Variants in CCNK observed in about 807,000 individuals in gnomAD.
CCNK encodes cyclin K.
Under a neutral mutation model 65.0 loss-of-function variants are expected in CCNK, and 9 were observed. The ratio of observed to expected loss-of-function variants is 0.14; its 90% CI spans 0.08 to 0.24. The LOEUF (loss-of-function observed/expected upper bound fraction) is 0.24. CCNK is among the 10% of genes least tolerant of loss of function. The pLI is 1.00. For synonymous variants in CCNK, 279 were observed against 270.8 expected (o/e 1.03, Z -0.30); for missense variants, 474 against 720.0 (o/e 0.66, Z 3.91).
intron 1 of CCNK, among the ~76,000 whole-genome samples, chr14:99,490,702 C>T (rs999250291): frequency 4.6e-5 from 7 of 151,944 alleles, no homozygotes; most frequent in Non-Finnish European, 1.0e-4. Context: ...CCGAGGCAGG[C>T]GGATCACGAG....
chr14:99,498,717 G>T (rs778439266), intron 4 of CCNK, among the ~76,000 whole-genome samples: 3 of 152,164 alleles, frequency 2.0e-5, no homozygotes, highest in Non-Finnish European at 4.4e-5. Context: ...TTGATGATGA[G>T]TTGTGGTGTA....
intron 4 of CCNK, among the ~76,000 whole-genome samples, chr14:99,499,550 C>T (rs1408041467): frequency 6.6e-6 from 1 of 152,144 alleles, no homozygotes; most frequent in Non-Finnish European, 1.5e-5. Context: ...GATTTACAGT[C>T]CTCTACAACG....
intron 4 of CCNK, among the ~76,000 whole-genome samples, chr14:99,496,015 C>T (rs1195654772): frequency 6.6e-6 from 1 of 152,178 alleles, no homozygotes; most frequent in Non-Finnish European, 1.5e-5. Flanking sequence ...CACATGCCTA[C>T]ATATGCCATG....
rs1897142704 is a variant in CCNK at position 99,512,027 on chromosome 14, C to T, written c.*1245C>T. 6.6e-6 allele frequency: 1 copy of T among 152,244 alleles called. No homozygotes were observed. Among genetic ancestry groups the T allele is most frequent in the Non-Finnish European group, 1.5e-5 (1 of 68,050 alleles). 9.4% of individuals were successfully genotyped at this position (152,244 alleles called of 1,614,324 possible). A position where few individuals can be genotyped will look rare whatever the true frequency, so the allele number is the denominator to read the frequency against. On this transcript the variant is annotated 3_prime_UTR_variant, in exon 11 of 11. Coordinates refer to ENST00000389879, the MANE Select transcript of CCNK (RefSeq NM_001099402.2). ...CACGACAGAAACAAGCACTGAGCAC[C>T]CAGCCAGGAGGCTCACAAAGAGGCC... is the stretch of plus-strand genomic sequence containing the variant.
intron 3 of CCNK, chr14:99,493,990 T>C (rs751249933): frequency 6.9e-5 from 11 of 159,220 alleles, no homozygotes; most frequent in African/African-American, 1.4e-4. Flanking sequence ...CTGTGGGAGA[T>C]AGAGTAGCTT....
In CCNK at chr14:99,487,395, C is replaced by G. The variant is rs182908561; in HGVS notation, c.-52-5231C>G. Among the ~76,000 whole-genome samples the G allele has an allele frequency of 2.6e-5, 4 of 152,300 alleles. No homozygotes were observed. The East Asian group carries it at 7.7e-4, about 29-fold the overall frequency. On this transcript the variant is annotated intron_variant, in intron 1 of 10. Coordinates refer to ENST00000389879, the MANE Select transcript of CCNK (RefSeq NM_001099402.2). ...GGACATTCAGCAACATTCCTGGCCT[C>G]TACCCACACTAGATGCCAGTGGCAA...
In CCNK at chr14:99,507,110, C is replaced by T. The variant is rs761887471; in HGVS notation, c.1080C>T (p.Thr360=). The change falls in exon 10 of 11, where the codon ACC becomes ACT. Residue 360 remains threonine (T), a synonymous_variant. Coordinates refer to ENST00000389879, the MANE Select transcript of CCNK (RefSeq NM_001099402.2). ...PPPPKIPKIE[T]THPPLPPAHP... is the part of the protein sequence containing the mutation. The stretch of plus-strand genomic sequence containing the variant: ...CACCTAAAATCCCCAAAATTGAGAC[C>T]ACTCATCCACCGTTGCCTCCAGCCC... 8.3e-5 allele frequency: 134 copies of T among 1,612,306 alleles called. No individual in the cohort carries two copies. Among genetic ancestry groups the T allele is most frequent in the Admixed American group, 1.5e-4 (9 of 60,008 alleles).
At chr14:99,483,742 C>T (rs1325807265) in intron 1 of CCNK, among the ~76,000 whole-genome samples, 2 of 152,200 alleles carry the variant, frequency 1.3e-5, no homozygotes, top group East Asian at 3.8e-4. Flanking sequence ...GGATTTATAT[C>T]CATGCAAATT....
intron 1 of CCNK, among the ~76,000 whole-genome samples, chr14:99,486,917 A>G (rs570792019): frequency 3.9e-5 from 6 of 152,310 alleles, no homozygotes; most frequent in African/African-American, 1.4e-4. Context: ...AAATATTCAT[A>G]TATTTCTTTC....
At chr14:99,493,450 C>T (rs1419093406) in intron 2 of CCNK, 64 bp from the exon 3 acceptor site, 21 of 962,904 alleles carry the variant, frequency 2.2e-5, no homozygotes, top group South Asian at 3.5e-5. Flanking sequence ...TTTTGTTTTT[C>T]TACATTTAAC....
At chr14:99,502,470 T>C in intron 7 of CCNK, 94 bp downstream of exon 7, 1 of 1,487,508 alleles carries the variant, frequency 6.7e-7, no homozygotes, top group South Asian at 1.4e-5. Context: ...TTTTCCCAGA[T>C]AGACATATGT....
At chr14:99,495,045 G>A (rs1896671829) in intron 3 of CCNK, 1 of 153,028 alleles carries the variant, frequency 6.5e-6, no homozygotes, top group African/African-American at 2.4e-5. Flanking sequence ...GAAAGAAAAG[G>A]AAGCATGGGC....
chr14:99,506,466 T>C (rs1055487150), intron 9 of CCNK: 1 of 152,934 alleles, frequency 6.5e-6, no homozygotes, highest in African/African-American at 2.4e-5. Context: ...AAGGGTGGGC[T>C]GTTTCCTCCA....
Position 99,502,884 on chromosome 14 carries a change from A to C in CCNK, c.911A>C (p.Gln304Pro). 1 of 1,613,444 alleles carries C rather than the reference A, an allele frequency of 6.2e-7. No homozygotes were observed. Residue 304 changes from glutamine to proline, a missense_variant, in exon 8 of 11, where the codon CAG (glutamine) becomes CCG (proline). Around this residue, in one of 6 missense-constraint regions of CCNK, gnomAD observed 229 missense variants for 275.5 expected, o/e 0.83. Transcript: ENST00000389879. ...AGCTCCGAACCATCCCAGCCCCAGC[A>C]GAAGGACCCCCAGCAACCAGCCCAG... Reference protein sequence around the residue: ...SQSSEPSQPQQKDPQQPAQQQ... With the variant: ...SQSSEPSQPQPKDPQQPAQQQ...
At chr14:99,491,209 G>C (rs942150009) in intron 1 of CCNK, among the ~76,000 whole-genome samples, 1 of 152,158 alleles carries the variant, frequency 6.6e-6, no homozygotes, top group Non-Finnish European at 1.5e-5. Flanking sequence ...TTGTTTCATA[G>C]TTGTGACATT....
chr14:99,497,603 G>A (rs1014085048), intron 4 of CCNK, among the ~76,000 whole-genome samples: 2 of 152,216 alleles, frequency 1.3e-5, no homozygotes, highest in African/African-American at 4.8e-5. Context: ...AAGCTAAAGC[G>A]ATGAAGTTCA....
chr14:99,484,316 A>C (rs1392589455), intron 1 of CCNK, among the ~76,000 whole-genome samples: 2 of 152,276 alleles, frequency 1.3e-5, no homozygotes, highest in Non-Finnish European at 2.9e-5. Context: ...GCTGCAACGC[A>C]GCAGACACAC....
chr14:99,489,810 G>A (rs1050112713), intron 1 of CCNK, among the ~76,000 whole-genome samples: 12 of 152,256 alleles, frequency 7.9e-5, no homozygotes, highest in Middle Eastern at 3.4e-3. Flanking sequence ...GGCCACATTG[G>A]AATAATTTGA....
intron 4 of CCNK, among the ~76,000 whole-genome samples, chr14:99,498,582 T>G (rs1220202116): frequency 6.6e-6 from 1 of 152,210 alleles, no homozygotes; most frequent in Non-Finnish European, 1.5e-5. Flanking sequence ...CTCTGTAATA[T>G]TCGTTTCAGC....
Sources: gnomAD v4.1 joint callset for allele counts (sites outside exome capture counted in the v4.1 genomes callset) on GRCh38, gnomAD v4.1.1 for gene constraint, gnomAD v4.1.1 regional missense constraint, MANE v1.5 for transcripts, NCBI Gene and HGNC (gene_info 2026-07-23, HGNC 2026-07-21) for gene names.